Variants in CALN1 observed in about 807,000 individuals in gnomAD.
CALN1 encodes calneuron 1.
A neutral mutation model predicts 30.6 loss-of-function variants in CALN1; 17 were observed. The observed-to-expected ratio is 0.56, with a 90% confidence interval of 0.38 to 0.83. The LOEUF is 0.83. CALN1 is among the 40% of genes least tolerant of loss of function. The pLI is 0.00. For missense variants in CALN1, 291 were observed against 354.9 expected (o/e 0.82, Z 1.45); for synonymous variants, 156 against 131.4 (o/e 1.19, Z -1.28).
At chr7:72,169,278 A>G (rs1418190362) in intron 3 of CALN1, among the ~76,000 whole-genome samples, 1 of 151,536 alleles carries the variant, frequency 6.6e-6, no homozygotes, top group Non-Finnish European at 1.5e-5. Context: ...CTTGGCCCTC[A>G]CTTGCCTCTT....
At chr7:72,432,138 C>T (rs924035704) in intron 1 of CALN1, among the ~76,000 whole-genome samples, 88 of 152,072 alleles carry the variant, frequency 5.8e-4, no homozygotes, top group African/African-American at 1.8e-3. Flanking sequence ...GTAACTGAAT[C>T]ATGGGAGTGG....
intron 2 of CALN1, among the ~76,000 whole-genome samples, chr7:72,380,608 G>A (rs750464050): frequency 6.6e-5 from 10 of 152,194 alleles, no homozygotes; most frequent in Non-Finnish European, 1.2e-4. Flanking sequence ...CAAGCTTCAT[G>A]TCCTAGCATC....
chr7:71,827,775 A>AAGAT (rs1789006877), intron 5 of CALN1, among the ~76,000 whole-genome samples: 2 of 140,282 alleles, frequency 1.4e-5, no homozygotes, highest in Admixed American at 7.2e-5. Context: ...CCATCTTAAA[A>AAGAT]AAATAAATAA....
At chr7:72,368,797 T>C (rs1258592267) in intron 2 of CALN1, among the ~76,000 whole-genome samples, 2 of 148,354 alleles carry the variant, frequency 1.3e-5, no homozygotes, top group Non-Finnish European at 3.0e-5. Context: ...TCACAGAGAA[T>C]GGTTTGAAAC....
intron 5 of CALN1, among the ~76,000 whole-genome samples, chr7:71,974,589 A>C (rs1163085408): frequency 6.6e-6 from 1 of 152,164 alleles, no homozygotes; most frequent in Non-Finnish European, 1.5e-5. Flanking sequence ...TCTGTCCTTG[A>C]AGATTCTGGG....
intron 2 of CALN1, among the ~76,000 whole-genome samples, chr7:72,280,023 T>C (rs1797627303): frequency 6.6e-6 from 1 of 152,176 alleles, no homozygotes; most frequent in Admixed American, 6.5e-5. Context: ...CAAAGCCAGT[T>C]AGTGACAGAA....
chr7:72,186,337 C>T (rs1031454767), intron 3 of CALN1, among the ~76,000 whole-genome samples: 3 of 143,202 alleles, frequency 2.1e-5, no homozygotes, highest in African/African-American at 2.5e-5. Flanking sequence ...AGAAAATCCA[C>T]GTGCCCTCCC....
chr7:72,488,054 G>C, the CALN1 span, among the ~76,000 whole-genome samples: 2 of 151,596 alleles, frequency 1.3e-5, no homozygotes, highest in African/African-American at 4.9e-5. Flanking sequence ...ATACCATGCT[G>C]GGCATGGTGG....
chr7:71,791,836 T>G (rs113799504), intron 6 of CALN1, among the ~76,000 whole-genome samples: 1 of 152,084 alleles, frequency 6.6e-6, no homozygotes, highest in Non-Finnish European at 1.5e-5. Flanking sequence ...GGTGAAACCC[T>G]GTCTCTACTA....
chr7:72,383,072 C>CA (rs1805006564), intron 2 of CALN1, among the ~76,000 whole-genome samples: 1 of 152,212 alleles, frequency 6.6e-6, no homozygotes, highest in Non-Finnish European at 1.5e-5. Context: ...GGGCATGAGC[C>CA]ACCCTGCCCA....
chr7:72,241,575 G>A (rs977130478), intron 3 of CALN1, among the ~76,000 whole-genome samples: 4 of 152,152 alleles, frequency 2.6e-5, no homozygotes, highest in Non-Finnish European at 2.9e-5. Flanking sequence ...GCGTGGTGGC[G>A]CATGCCTGTA....
intron 3 of CALN1, among the ~76,000 whole-genome samples, chr7:72,207,401 A>G (rs1585165014): frequency 6.6e-6 from 1 of 152,064 alleles, no homozygotes; most frequent in African/African-American, 2.4e-5. Flanking sequence ...GCGGTTCCCA[A>G]CCTGCCAGCC....
At chr7:72,169,020 G>A (rs1487287607) in intron 3 of CALN1, among the ~76,000 whole-genome samples, 1 of 151,842 alleles carries the variant, frequency 6.6e-6, no homozygotes, top group Non-Finnish European at 1.5e-5. Context: ...TGACCAGGCT[G>A]GTCTCGAACT....
chr7:72,033,624 G>A (rs556388190), intron 4 of CALN1, among the ~76,000 whole-genome samples: 14 of 152,174 alleles, frequency 9.2e-5, no homozygotes, highest in African/African-American at 3.1e-4. Flanking sequence ...TGAGTGGCCT[G>A]AGCAATGGTG....
intron 5 of CALN1, among the ~76,000 whole-genome samples, chr7:71,969,790 A>G (rs1042961490): frequency 5.3e-5 from 8 of 151,844 alleles, no homozygotes; most frequent in African/African-American, 1.9e-4. Flanking sequence ...CCATTGAATT[A>G]GGTGTGGGGC....
chr7:72,289,343 G>A (rs747008503), intron 2 of CALN1, among the ~76,000 whole-genome samples: 5 of 152,166 alleles, frequency 3.3e-5, no homozygotes, highest in Admixed American at 3.3e-4. Context: ...GACTGAGGAA[G>A]CTGGGAGGCC....
chr7:72,486,792 TCTTC>T, the CALN1 span, among the ~76,000 whole-genome samples: 4 of 152,258 alleles, frequency 2.6e-5, no homozygotes, highest in East Asian at 1.9e-4. Flanking sequence ...TTCTCCAATT[TCTTC>T]CTTCATTCAT....
chr7:71,897,344 A>G (rs1793586419), intron 5 of CALN1, among the ~76,000 whole-genome samples: 1 of 152,180 alleles, frequency 6.6e-6, no homozygotes, highest in Admixed American at 6.5e-5. Context: ...TTGGAAATGT[A>G]ATCTTTTATT....
intron 3 of CALN1, among the ~76,000 whole-genome samples, chr7:72,109,999 G>T (rs1057097556): frequency 2.0e-5 from 3 of 152,208 alleles, no homozygotes; most frequent in African/African-American, 7.2e-5. Flanking sequence ...TGCAGTTACT[G>T]GATAGCCAGT....
Sources: gnomAD v4.1 joint callset for allele counts (sites outside exome capture counted in the v4.1 genomes callset) on GRCh38, gnomAD v4.1.1 for gene constraint, MANE v1.5 for transcripts, NCBI Gene and HGNC (gene_info 2026-07-23, HGNC 2026-07-21) for gene names.